Variants in LDLRAD3 observed in about 807,000 individuals in gnomAD.
LDLRAD3 encodes low density lipoprotein receptor class A domain containing 3, also known as low-density lipoprotein receptor class A domain-containing protein 3.
Under a neutral mutation model 29.4 loss-of-function variants are expected in LDLRAD3, and 20 were observed. The observed-to-expected ratio is 0.68, with a 90% confidence interval of 0.48 to 0.99. The LOEUF (loss-of-function observed/expected upper bound fraction) is 0.99. Among genes scored for constraint, LDLRAD3 ranks in the 50% least tolerant of loss-of-function variants. The pLI, the probability that LDLRAD3 is intolerant of heterozygous loss-of-function variation, is 0.00. For synonymous variants in LDLRAD3, 157 were observed against 192.7 expected, an observed-to-expected ratio of 0.81 and a Z score of 1.53; for missense variants, 420 against 454.3, an observed-to-expected ratio of 0.92 and a Z score of 0.69.
intron 2 of LDLRAD3, among the ~76,000 whole-genome samples, chr11:36,045,980 C>T (rs190295857): frequency 2.6e-5 from 4 of 151,862 alleles, no homozygotes; most frequent in Non-Finnish European, 4.4e-5. Flanking sequence ...CCACCCCCAA[C>T]AGGCCCCAGT....
intron 4 of LDLRAD3, among the ~76,000 whole-genome samples, chr11:36,133,012 A>G (rs1047837772): frequency 9.2e-5 from 14 of 152,304 alleles, no homozygotes; most frequent in East Asian, 1.9e-4. Flanking sequence ...GATAAATGAG[A>G]TACTGATTAA....
intron 1 of LDLRAD3, among the ~76,000 whole-genome samples, chr11:35,983,251 G>T (rs2133159223): frequency 6.6e-6 from 1 of 152,286 alleles, no homozygotes; most frequent in Middle Eastern, 3.4e-3. Context: ...TGAAGATAAG[G>T]ATCATATATC....
chr11:36,032,214 G>A (rs1396393886), intron 1 of LDLRAD3, among the ~76,000 whole-genome samples: 1 of 152,148 alleles, frequency 6.6e-6, no homozygotes, highest in East Asian at 1.9e-4. Flanking sequence ...GTAAATTTTG[G>A]GGGGACACAA....
intron 2 of LDLRAD3, among the ~76,000 whole-genome samples, chr11:36,079,389 GGAT>G (rs1853073866): frequency 6.6e-6 from 1 of 151,180 alleles, no homozygotes; most frequent in South Asian, 2.1e-4. Context: ...ATGAGGATGA[GGAT>G]GATGATAAAT....
In LDLRAD3 at chr11:36,213,068, C is replaced by A. The variant is rs192002750; in HGVS notation, c.455-14017C>A. On this transcript the variant is annotated intron_variant, in intron 4 of 5. Transcript: ENST00000315571. This position sits in a 1 kb window ranked among gnomAD's most constrained non-coding sequence, Gnocchi z 4.1. Reference sequence around the variant, plus strand: ...TCCCCCACCCCTCTCTTTCTCTCCCCCTCGCTCCCTCCCTCTCTCCCTCCC... The same window carrying A: ...TCCCCCACCCCTCTCTTTCTCTCCCACTCGCTCCCTCCCTCTCTCCCTCCC... 6.6e-5 allele frequency among the ~76,000 whole-genome samples: 10 copies of A among 150,976 alleles called. No homozygotes were observed. The highest frequency in any genetic ancestry group is 5.3e-4 in the Admixed American group (8 of 15,136).
At chr11:35,946,237 C>G (rs1280076826) in intron 1 of LDLRAD3, among the ~76,000 whole-genome samples, 3 of 152,176 alleles carry the variant, frequency 2.0e-5, no homozygotes, top group Non-Finnish European at 4.4e-5. Context: ...ATCCCATGGC[C>G]TATGCTTGGA....
intron 4 of LDLRAD3, among the ~76,000 whole-genome samples, chr11:36,153,829 A>G (rs375303730): frequency 1.3e-5 from 2 of 151,982 alleles, no homozygotes. Context: ...TTGCTTGTTA[A>G]TGTTTTTTTT....
chr11:36,200,526 C>T (rs1855112074), intron 4 of LDLRAD3, among the ~76,000 whole-genome samples: 1 of 152,124 alleles, frequency 6.6e-6, no homozygotes, highest in Non-Finnish European at 1.5e-5. Context: ...GACTCAGGGT[C>T]AAGAAAGGCA....
intron 1 of LDLRAD3, among the ~76,000 whole-genome samples, chr11:36,021,217 G>A (rs185439407): frequency 3.3e-5 from 5 of 152,282 alleles, no homozygotes; most frequent in South Asian, 4.1e-4. Flanking sequence ...CTGAATTGGC[G>A]GTGTTGGTTT....
chr11:36,096,607 G>A (rs1853365212), intron 3 of LDLRAD3, among the ~76,000 whole-genome samples: 1 of 152,350 alleles, frequency 6.6e-6, no homozygotes, highest in Admixed American at 6.5e-5. Context: ...ATGTCAGACT[G>A]GGCACTGTAC....
At chr11:36,136,598 C>T (rs1225602139) in intron 4 of LDLRAD3, among the ~76,000 whole-genome samples, 4 of 152,144 alleles carry the variant, frequency 2.6e-5, no homozygotes, top group Non-Finnish European at 5.9e-5. Flanking sequence ...CCTTCACCTT[C>T]TGCCATGATG....
intron 1 of LDLRAD3, among the ~76,000 whole-genome samples, chr11:35,966,350 G>T (rs1369840540): frequency 2.0e-5 from 3 of 152,176 alleles, no homozygotes; most frequent in Non-Finnish European, 4.4e-5. Context: ...TCTTGAACCC[G>T]GGAGGCGGAG....
At chr11:36,023,608 T>C (rs900564701) in intron 1 of LDLRAD3, among the ~76,000 whole-genome samples, 11 of 152,238 alleles carry the variant, frequency 7.2e-5, no homozygotes, top group African/African-American at 2.4e-4. Context: ...ATCCCACTTA[T>C]TATTTTTAAA....
chr11:36,134,660 A>G (rs1249309373), intron 4 of LDLRAD3, among the ~76,000 whole-genome samples: 1 of 152,252 alleles, frequency 6.6e-6, no homozygotes, highest in Admixed American at 6.5e-5. Flanking sequence ...TTTCAGCTGA[A>G]GGTAGCTGCA....
intron 1 of LDLRAD3, among the ~76,000 whole-genome samples, chr11:35,999,598 C>T (rs1386871132): frequency 6.6e-6 from 1 of 152,092 alleles, no homozygotes; most frequent in Non-Finnish European, 1.5e-5. Flanking sequence ...CCACGACCTG[C>T]CCAATCCCAA....
intron 2 of LDLRAD3, among the ~76,000 whole-genome samples, chr11:36,071,374 G>T (rs1852898879): frequency 6.6e-6 from 1 of 152,148 alleles, no homozygotes; most frequent in Non-Finnish European, 1.5e-5. Context: ...AAAATGTAAA[G>T]CATGCATGTC....
At chr11:36,186,920 C>T (rs1000666324) in intron 4 of LDLRAD3, among the ~76,000 whole-genome samples, 3 of 152,160 alleles carry the variant, frequency 2.0e-5, no homozygotes, top group Non-Finnish European at 2.9e-5. Context: ...TGAGTTATTC[C>T]TCCCCTTAAG....
chr11:36,053,963 T>C (rs935301618), intron 2 of LDLRAD3, among the ~76,000 whole-genome samples: 4 of 152,196 alleles, frequency 2.6e-5, no homozygotes, highest in Non-Finnish European at 5.9e-5. Flanking sequence ...ACTCTTCCCT[T>C]TGCCCTGTAG....
intron 4 of LDLRAD3, among the ~76,000 whole-genome samples, chr11:36,191,576 C>CTCTCTCTATATATATA (rs377747518): frequency 7.5e-5 from 4 of 53,428 alleles, no homozygotes; most frequent in African/African-American, 1.7e-4. Context: ...CTCTCTCTCT[C>CTCTCTCTATATATATA]TATATATATA....
Sources: gnomAD v4.1 joint callset for allele counts (sites outside exome capture counted in the v4.1 genomes callset) on GRCh38, gnomAD v4.1.1 for gene constraint, Gnocchi (gnomAD v3.1) non-coding constraint, MANE v1.5 for transcripts, NCBI Gene and HGNC (gene_info 2026-07-23, HGNC 2026-07-21) for gene names.